Variants in MTHFD2L observed in about 807,000 individuals in gnomAD.
The protein encoded by MTHFD2L is bifunctional methylenetetrahydrofolate dehydrogenase/cyclohydrolase 2, mitochondrial.
A neutral mutation model predicts 34.9 loss-of-function variants in MTHFD2L; 29 were observed. The observed-to-expected ratio is 0.83, with a 90% confidence interval of 0.62 to 1.13. The LOEUF (loss-of-function observed/expected upper bound fraction) is 1.13, where lower values mean the gene tolerates loss of function less well. Ranked by LOEUF, MTHFD2L falls within the 50% of genes most tolerant of loss-of-function variation. The probability of loss-of-function intolerance (pLI) is 0.00; values close to 1 mark genes in which losing one functional copy is unlikely to be tolerated. For synonymous variants in MTHFD2L, 167 were observed against 155.7 expected, an observed-to-expected ratio of 1.07 and a Z score of -0.54; for missense variants, 481 against 446.5, an observed-to-expected ratio of 1.08 and a Z score of -0.70.
intron 6 of MTHFD2L, among the ~76,000 whole-genome samples, chr4:74,258,038 C>T (rs1744243792): frequency 6.6e-6 from 1 of 151,832 alleles, no homozygotes; most frequent in Non-Finnish European, 1.5e-5. Flanking sequence ...TGAGATATTA[C>T]CTCACAACTG....
upstream of MTHFD2L, among the ~76,000 whole-genome samples, chr4:74,154,784 G>A (rs1257485175): frequency 6.6e-6 from 1 of 152,120 alleles, no homozygotes; most frequent in African/African-American, 2.4e-5. Context: ...CTGAAGGTGT[G>A]CTTATTGCTT....
intron 5 of MTHFD2L, among the ~76,000 whole-genome samples, chr4:74,211,711 G>A (rs537930441): frequency 1.2e-4 from 19 of 152,176 alleles, no homozygotes; most frequent in Admixed American, 1.2e-3. Flanking sequence ...AATGAGTTAA[G>A]GGGGAGTCCC....
chr4:74,130,366 G>A (rs923190683), intron 1 of MTHFD2L, among the ~76,000 whole-genome samples: 3 of 152,162 alleles, frequency 2.0e-5, no homozygotes, highest in African/African-American at 7.2e-5. Context: ...TAATCCAGCA[G>A]CACATGAAAA....
At chr4:74,187,851 C>T (rs1336558291) in intron 3 of MTHFD2L, among the ~76,000 whole-genome samples, 3 of 141,120 alleles carry the variant, frequency 2.1e-5, no homozygotes, top group South Asian at 2.4e-4. Flanking sequence ...CCAGCCATTC[C>T]GTGCCTGTGT....
intron 6 of MTHFD2L, among the ~76,000 whole-genome samples, chr4:74,231,261 C>T (rs1362581723): frequency 2.0e-5 from 3 of 152,160 alleles, no homozygotes; most frequent in African/African-American, 7.2e-5. Flanking sequence ...ACACTCCCAT[C>T]AAACATTATC....
Position 74,199,787 on chromosome 4 carries a change from T to C in MTHFD2L, c.452-7T>C. The C allele has an allele frequency of 1.3e-6, 2 of 1,581,234 alleles. No homozygotes were observed. The highest frequency in any genetic ancestry group is 4.5e-5 in the East Asian group (2 of 44,432). Reference sequence around the variant, plus strand: ...TTAAAATTAGACAAATTTTATTTATTTTTCAGACCACGTTGATGAGCGAAC... The same window carrying C: ...TTAAAATTAGACAAATTTTATTTATCTTTCAGACCACGTTGATGAGCGAAC... On this transcript the variant is annotated splice_polypyrimidine_tract_variant and splice_region_variant and intron_variant, in intron 3 of 7. Coordinates refer to ENST00000325278, the MANE Select transcript of MTHFD2L (RefSeq NM_001144978.3).
At chr4:74,238,818 C>A (rs185864722) in intron 6 of MTHFD2L, among the ~76,000 whole-genome samples, 8 of 152,048 alleles carry the variant, frequency 5.3e-5, no homozygotes, top group Admixed American at 3.3e-4. Context: ...GAATGGCGAT[C>A]GTTAAAAAGT....
At chr4:74,219,145 C>T (rs1737716115) in intron 5 of MTHFD2L, among the ~76,000 whole-genome samples, 1 of 152,002 alleles carries the variant, frequency 6.6e-6, no homozygotes, top group South Asian at 2.1e-4. Flanking sequence ...ATCAGAAACT[C>T]GAGCATTTGT....
chr4:74,157,955 T>G (rs1231571427), upstream of MTHFD2L: 3 of 942,770 alleles, frequency 3.2e-6, no homozygotes, highest in African/African-American at 3.3e-5. Flanking sequence ...CCCGGCACTC[T>G]GTCAGTTCCG....
At chr4:74,158,933 G>A (rs535419601) in intron 1 of MTHFD2L, among the ~76,000 whole-genome samples, 24 of 152,104 alleles carry the variant, frequency 1.6e-4, no homozygotes, top group Admixed American at 3.9e-4. Context: ...TGCAAAATCC[G>A]TCTTAACAAG....
intron 2 of MTHFD2L, among the ~76,000 whole-genome samples, chr4:74,118,218 A>T (rs1475698658): frequency 6.6e-6 from 1 of 152,242 alleles, no homozygotes. Context: ...CTTATAGAAT[A>T]AAAGTTTGCT....
intron 1 of MTHFD2L, among the ~76,000 whole-genome samples, chr4:74,152,569 A>G (rs564868002): frequency 6.6e-6 from 1 of 152,262 alleles, no homozygotes; most frequent in East Asian, 1.9e-4. Context: ...CAGGTTTGTT[A>G]TATAGGTATA....
At chr4:74,230,431 A>C (rs1739839487) in intron 6 of MTHFD2L, among the ~76,000 whole-genome samples, 1 of 151,828 alleles carries the variant, frequency 6.6e-6, no homozygotes, top group Non-Finnish European at 1.5e-5. Context: ...CTCTACTAAA[A>C]ATACAAAAAT....
intron 1 of MTHFD2L, among the ~76,000 whole-genome samples, chr4:74,152,525 T>A (rs1724003534): frequency 6.6e-6 from 1 of 152,290 alleles, no homozygotes; most frequent in South Asian, 2.1e-4. Flanking sequence ...CTTTTTTTTT[T>A]ACTTTAAGTT....
chr4:74,174,301 T>C (rs938122698), intron 1 of MTHFD2L, among the ~76,000 whole-genome samples: 9 of 152,100 alleles, frequency 5.9e-5, no homozygotes, highest in African/African-American at 2.2e-4. Flanking sequence ...GATTATACTG[T>C]AGAACTAAAT....
At chr4:74,232,711 A>G (rs1740258183) in intron 6 of MTHFD2L, among the ~76,000 whole-genome samples, 2 of 152,208 alleles carry the variant, frequency 1.3e-5, no homozygotes, top group Admixed American at 1.3e-4. Flanking sequence ...TTGACCTTGT[A>G]CTGTTTTATA....
intron 6 of MTHFD2L, among the ~76,000 whole-genome samples, chr4:74,264,757 C>A (rs1372032753): frequency 6.6e-6 from 1 of 151,832 alleles, no homozygotes; most frequent in Admixed American, 6.6e-5. Flanking sequence ...TGAGTTTCAG[C>A]AGCGTTAATA....
chr4:74,241,379 A>G (rs957911330), intron 6 of MTHFD2L, among the ~76,000 whole-genome samples: 4 of 151,892 alleles, frequency 2.6e-5, no homozygotes, highest in Non-Finnish European at 1.5e-5. Context: ...TTTTTCCCCA[A>G]TATCATTATT....
In MTHFD2L at chr4:74,301,825, A is replaced by G. The variant is rs939431779; in HGVS notation, c.*16A>G. On this transcript the variant is annotated 3_prime_UTR_variant, in exon 8 of 8. Coordinates refer to ENST00000325278, the MANE Select transcript of MTHFD2L (RefSeq NM_001144978.3). Reference sequence around the variant, plus strand: ...CATTTACTAGATCACATGAAAGGATAAAGCAAACTGAAGTCATGCTATTTG... The same window carrying G: ...CATTTACTAGATCACATGAAAGGATGAAGCAAACTGAAGTCATGCTATTTG... 6.7e-7 allele frequency: 1 copy of G among 1,494,014 alleles called. No homozygotes were observed. Among genetic ancestry groups the G allele is most frequent in the Non-Finnish European group, 9.2e-7 (1 of 1,082,696 alleles). The allele number at this position is 1,494,014 out of a possible 1,614,324, so 92.5% of individuals were successfully genotyped here.
Sources: gnomAD v4.1 joint callset for allele counts (sites outside exome capture counted in the v4.1 genomes callset) on GRCh38, gnomAD v4.1.1 for gene constraint, MANE v1.5 for transcripts, NCBI Gene and HGNC (gene_info 2026-07-23, HGNC 2026-07-21) for gene names.